The following TBC1D31 variants were observed in gnomAD, a reference collection of about 807,000 sequenced individuals.
TBC1D31 encodes the protein WD repeat domain 67.
In TBC1D31, 99 loss-of-function variants were observed where a neutral mutation model predicts 132.9. The ratio of observed to expected loss-of-function variants is 0.74; its 90% CI spans 0.63 to 0.88. TBC1D31 has a LOEUF of 0.88. Ranked by LOEUF, TBC1D31 falls within the 40% of genes least tolerant of loss-of-function variation. TBC1D31 has a pLI of 0.00. For missense variants in TBC1D31, 1,134 were observed against 1,256.6 expected, an observed-to-expected ratio of 0.90 and a Z score of 1.48; for synonymous variants, 385 against 419.4, an observed-to-expected ratio of 0.92 and a Z score of 1.00.
intron 10 of TBC1D31, 132 bp from the exon 11 acceptor site, chr8:123,119,923 C>A: frequency 1.5e-6 from 1 of 683,782 alleles, no homozygotes; most frequent in South Asian, 2.3e-5. Context: ...ATGGTTACTT[C>A]TGGAGAGGTG....
intron 1 of TBC1D31, chr8:123,073,127 C>G: frequency 1.9e-6 from 1 of 540,304 alleles, no homozygotes; most frequent in South Asian, 1.9e-5. Flanking sequence ...TACCGGGACT[C>G]TCCTGCTTTT....
Position 123,129,101 on chromosome 8 carries a change from A to G in TBC1D31, c.2153A>G (p.Gln718Arg). The part of the protein sequence containing the change: ...TVEDMQAKVD[Q>R]QRVEDEAWYQ... ...GAAGATATGCAAGCTAAAGTCGACC[A>G]GCAAAGAGTTGAAGATGAAGCTTGG... Residue 718 changes from glutamine (Q) to arginine (R), a missense_variant, in exon 15 of 22, where the codon CAG becomes CGG. By Grantham distance (43) the Gln-to-Arg change is conservative. Coordinates refer to ENST00000287380, the MANE Select transcript of TBC1D31 (RefSeq NM_145647.4). 3.1e-6 allele frequency: 5 copies of G among 1,607,486 alleles called. No homozygotes were observed. The highest frequency in any genetic ancestry group is 4.3e-6 in the Non-Finnish European group (5 of 1,175,744).
chr8:123,151,903 T>C lies in TBC1D31; in HGVS notation c.3165T>C (p.Arg1055=). ...NLRQRLTARA[R]HRCQTPHLLA... ...GCCAGAGACTCACTGCCCGGGCTCG[T>C]CACAGATGTCAAACCCCTCATCTTT... Residue 1055 remains arginine (R), a synonymous_variant, in exon 22 of 22, where the codon CGT becomes CGC. Transcript: ENST00000287380. 6.3e-7 allele frequency: 1 copy of C among 1,579,184 alleles called. No homozygotes were observed. Among genetic ancestry groups the C allele is most frequent in the Non-Finnish European group, 8.6e-7 (1 of 1,166,810 alleles).
chr8:123,125,466 G>A lies in TBC1D31; in HGVS notation c.1571-590G>A, dbSNP rs185381566. On this transcript the variant is annotated intron_variant, in intron 11 of 21. Coordinates refer to ENST00000287380, the MANE Select transcript of TBC1D31 (RefSeq NM_145647.4). ...AGTTAGATATAAAACCAGTCCTGGTGGCTATTCCTGGTTATTCCTTATTAC... is the reference window on the plus strand; with the variant it reads ...AGTTAGATATAAAACCAGTCCTGGTAGCTATTCCTGGTTATTCCTTATTAC... Among the ~76,000 whole-genome samples, 345 of 152,226 alleles carry A rather than the reference G, an allele frequency of 2.3e-3. 1 individual carries two copies. The highest frequency in any genetic ancestry group is 0.01 in the Middle Eastern group (3 of 294).
chr8:123,128,172 A>T (rs541444454), intron 13 of TBC1D31, 109 bp from the exon 14 acceptor site: 20 of 524,350 alleles, frequency 3.8e-5, no homozygotes, highest in African/African-American at 1.0e-4. Flanking sequence ...TTTGCAAAAA[A>T]ATATATATTC....
chr8:123,142,970 A>G (rs1031737766), intron 19 of TBC1D31, among the ~76,000 whole-genome samples: 1 of 152,226 alleles, frequency 6.6e-6, no homozygotes, highest in Non-Finnish European at 1.5e-5. Context: ...AACAGGATAG[A>G]AATATAGTCT....
intron 8 of TBC1D31, 46 bp from the exon 9 acceptor site, chr8:123,109,270 AG>A: frequency 7.3e-7 from 1 of 1,367,032 alleles, no homozygotes; most frequent in Non-Finnish European, 1.0e-6. Context: ...TCACCTTTTC[AG>A]TTTTAATGAT....
Position 123,072,727 on chromosome 8 carries a change from C to G in TBC1D31, c.-43C>G. 1 of 1,542,658 alleles carries G rather than the reference C, an allele frequency of 6.5e-7. No individual in the cohort carries two copies. The highest frequency in any genetic ancestry group is 2.5e-5 in the East Asian group (1 of 40,810). ...TGGGCCTGCCGGGAAGGCGCTGGGA[C>G]GGTTACCCAGCGGGCCGCCGGCGGT... On this transcript the variant is annotated 5_prime_UTR_variant, in exon 1 of 22. Transcript: ENST00000287380.
rs1422001811 is a variant in TBC1D31, at chr8:123,130,437, A to C, written c.2406+104A>C. ...ATAATATTCTTAGAGTCCACCATGA[A>C]TACTAAATAGCCGCTTTAATTTTAT... On this transcript the variant is annotated intron_variant, in intron 16 of 21. Transcript: ENST00000287380. 2.9e-6 allele frequency: 3 copies of C among 1,048,386 alleles called. No homozygotes were observed. The East Asian group carries it at 8.2e-5, about 29-fold the overall frequency. 64.9% of individuals were successfully genotyped at this position (1,048,386 alleles called of 1,614,324 possible). A position where few individuals can be genotyped will look rare whatever the true frequency, so the allele number is the denominator to read the frequency against.
chr8:123,082,885 A>G, intron 3 of TBC1D31, 68 bp downstream of exon 3: 2 of 1,102,862 alleles, frequency 1.8e-6, no homozygotes, highest in Non-Finnish European at 2.7e-6. Flanking sequence ...CAAGAACTTT[A>G]TCACTCTGTA....
chr8:123,135,284 G>GA (rs1331467001), intron 17 of TBC1D31, among the ~76,000 whole-genome samples: 16 of 152,034 alleles, frequency 1.1e-4, no homozygotes, highest in Non-Finnish European at 2.9e-5. Flanking sequence ...CAAGACACTG[G>GA]AAAAAAGGAG....
At chr8:123,154,711 A>T (rs763608654), downstream of TBC1D31, among the ~76,000 whole-genome samples, 1 of 152,180 alleles carries the variant, frequency 6.6e-6, no homozygotes, top group Non-Finnish European at 1.5e-5. Context: ...GCCAGTGTCC[A>T]TGCTGGGAAG....
At chr8:123,082,249 C>T (rs1815241380) in intron 2 of TBC1D31, among the ~76,000 whole-genome samples, 1 of 152,050 alleles carries the variant, frequency 6.6e-6, no homozygotes, top group South Asian at 2.1e-4. Flanking sequence ...ATCACAACAG[C>T]CCTGTATCTA....
chr8:123,139,172 T>C (rs1563750146), intron 17 of TBC1D31, among the ~76,000 whole-genome samples: 1 of 152,104 alleles, frequency 6.6e-6, no homozygotes, highest in South Asian at 2.1e-4. Context: ...CTAGACATTT[T>C]AAATACAATG....
intron 7 of TBC1D31, 63 bp downstream of exon 7, chr8:123,101,070 A>ATTTT: frequency 8.2e-7 from 1 of 1,225,666 alleles, no homozygotes; most frequent in Non-Finnish European, 1.2e-6. Flanking sequence ...TATCATCAAG[A>ATTTT]ATAAAATCTT....
intron 8 of TBC1D31, among the ~76,000 whole-genome samples, chr8:123,106,938 A>G (rs1817985693): frequency 6.6e-6 from 1 of 152,216 alleles, no homozygotes; most frequent in Admixed American, 6.5e-5. Flanking sequence ...GAGTCACAGG[A>G]CATCCTTGAT....
intron 10 of TBC1D31, among the ~76,000 whole-genome samples, chr8:123,110,746 T>C (rs1271075349): frequency 6.6e-6 from 1 of 152,146 alleles, no homozygotes; most frequent in Non-Finnish European, 1.5e-5. Flanking sequence ...ACTATCATAC[T>C]GACACACAAA....
chr8:123,162,858 C>T, the TBC1D31 span, among the ~76,000 whole-genome samples: 2 of 151,608 alleles, frequency 1.3e-5, no homozygotes, highest in African/African-American at 2.4e-5. Context: ...TTTTAGATGG[C>T]GTCTCACTCT....
At chr8:123,080,427 C>T (rs1422893872) in intron 2 of TBC1D31, among the ~76,000 whole-genome samples, 4 of 151,800 alleles carry the variant, frequency 2.6e-5, no homozygotes, top group Non-Finnish European at 5.9e-5. Flanking sequence ...AACCGTTGTC[C>T]TTCCTGGTAG....
Sources: gnomAD v4.1 joint callset for allele counts (sites outside exome capture counted in the v4.1 genomes callset) on GRCh38, gnomAD v4.1.1 for gene constraint, MANE v1.5 for transcripts, NCBI Gene and HGNC (gene_info 2026-07-23, HGNC 2026-07-21) for gene names.